HGS: variants seen among roughly 807,000 people sequenced by gnomAD.
The protein encoded by HGS is human growth factor-regulated tyrosine kinase substrate.
A neutral mutation model predicts 109.7 loss-of-function variants in HGS; 63 were observed. The observed-to-expected ratio is 0.57, with a 90% CI of 0.47 to 0.71. The LOEUF is 0.71. Ranked by LOEUF, HGS falls within the 30% of genes least tolerant of loss-of-function variation. The pLI is 0.00. For missense variants in HGS, 995 were observed against 1,068.3 expected (o/e 0.93, Z 0.96); for synonymous variants, 546 against 437.3 (o/e 1.25, Z -3.10).
Position 81,691,667 on chromosome 17 carries a change from C to G in HGS, c.662+96C>G. 1 of 1,478,102 alleles carries G rather than the reference C, an allele frequency of 6.8e-7. No individual in the cohort carries two copies. Among genetic ancestry groups the G allele is most frequent in the Non-Finnish European group, 9.3e-7 (1 of 1,071,152 alleles). 91.6% of individuals were successfully genotyped at this position (1,478,102 alleles called of 1,614,324 possible). A position where few individuals can be genotyped will look rare whatever the true frequency, so the allele number is the denominator to read the frequency against. On this transcript the variant is annotated intron_variant, in intron 8 of 21. Transcript: ENST00000329138. The surrounding 1 kb of genome is among the most constrained non-coding windows in gnomAD (Gnocchi z 5.3). ...GCCATGGTGCCTGAGGCCTGCAGAC[C>G]CCAGAGGACCCTCACAGCACAGCAG...
intron 18 of HGS, among the ~76,000 whole-genome samples, chr17:81,699,039 C>G (rs946334204): frequency 6.6e-6 from 1 of 151,654 alleles, no homozygotes; most frequent in African/African-American, 2.4e-5. Context: ...TGCCCTCCAG[C>G]CTGGGTGACA....
chr17:81,701,394 C>T (rs910878387), intron 21 of HGS, 114 bp from the exon 22 acceptor site: 1 of 1,169,796 alleles, frequency 8.5e-7, no homozygotes, highest in African/African-American at 1.5e-5. Flanking sequence ...GAGCTGCAGT[C>T]CGTGGACATG....
chr17:81,696,006 G>A lies in HGS; in HGVS notation c.1393+7G>A. 3 of 1,541,642 alleles carry A rather than the reference G, an allele frequency of 1.9e-6. No individual in the cohort carries two copies. Among genetic ancestry groups the A allele is most frequent in the Middle Eastern group, 1.8e-4 (1 of 5,486 alleles). On this transcript the variant is annotated splice_region_variant and intron_variant, in intron 15 of 21. Coordinates refer to ENST00000329138, the MANE Select transcript of HGS (RefSeq NM_004712.5). ...CAGCTGGACGAGCGCAGGCGTAGGT[G>A]CCCGCGCCACGGGGCCTCGGCTCAG...
chr17:81,691,182 T>TA lies in HGS; in HGVS notation c.538-264dup. ...ACTGCACTCACAAAAGCTCTTGTTTTATCAGCAGAATTGATGTGTATTTTT... is the reference window on the plus strand; with the variant it reads ...ACTGCACTCACAAAAGCTCTTGTTTTAATCAGCAGAATTGATGTGTATTTTT... On this transcript the variant is annotated intron_variant, in intron 7 of 21. Coordinates refer to ENST00000329138, the MANE Select transcript of HGS (RefSeq NM_004712.5). The surrounding 1 kb of genome is among the most constrained non-coding windows in gnomAD (Gnocchi z 5.3). 1 of 497,164 alleles carries TA rather than the reference T, an allele frequency of 2.0e-6. No homozygotes were observed. The highest frequency in any genetic ancestry group is 3.5e-5 in the East Asian group (1 of 28,282). 30.8% of individuals were successfully genotyped at this position (497,164 alleles called of 1,614,324 possible).
At chr17:81,687,168 T>C in intron 4 of HGS, 73 bp downstream of exon 4, 2 of 1,000,826 alleles carry the variant, frequency 2.0e-6, no homozygotes, top group Non-Finnish European at 1.6e-6. Flanking sequence ...TACTGGGCAC[T>C]GATGACAGAA....
Position 81,695,665 on chromosome 17 carries a change from A to G in HGS, c.1180-121A>G, listed in dbSNP as rs1433892044. The G allele has an allele frequency of 1.6e-5, 14 of 853,436 alleles. No individual in the cohort carries two copies. In the East Asian group the frequency reaches 2.8e-4, roughly 17 times the overall value. The allele number at this position is 853,436 out of a possible 1,614,324, so 52.9% of individuals were successfully genotyped here. On this transcript the variant is annotated intron_variant, in intron 14 of 21. Coordinates refer to ENST00000329138, the MANE Select transcript of HGS (RefSeq NM_004712.5). Reference sequence around the variant, plus strand: ...CTCAGCTGTAGAAGGGGCTGCTTGCATAAGGAGCAGATGGACTCTGCTCCA... The same window carrying G: ...CTCAGCTGTAGAAGGGGCTGCTTGCGTAAGGAGCAGATGGACTCTGCTCCA...
chr17:81,685,572 A>C, intron 1 of HGS, 33 bp from the exon 2 acceptor site: 3 of 1,544,086 alleles, frequency 1.9e-6, no homozygotes, highest in Non-Finnish European at 2.7e-6. Context: ...CCAGCAGGAT[A>C]ACCCCTCCCT....
intron 18 of HGS, chr17:81,698,484 C>T (rs1383386976): frequency 1.3e-5 from 2 of 152,236 alleles, no homozygotes; most frequent in East Asian, 1.9e-4. Context: ...AGTGGCTTCT[C>T]TGTTGCGTAG....
At chr17:81,685,018 C>T in intron 1 of HGS, 1 of 985,314 alleles carries the variant, frequency 1.0e-6, no homozygotes, top group Non-Finnish European at 1.2e-6. Flanking sequence ...CTGGAGCTGC[C>T]CCCCCAGAGG....
At chr17:81,696,274 G>GA in intron 15 of HGS, 83 bp from the exon 16 acceptor site, 1 of 1,427,054 alleles carries the variant, frequency 7.0e-7, no homozygotes, top group Non-Finnish European at 9.2e-7. Flanking sequence ...GGCACAGGGC[G>GA]GCCCATCTGC....
intron 11 of HGS, among the ~76,000 whole-genome samples, chr17:81,694,425 CA>C (rs934811079): frequency 1.3e-5 from 2 of 152,218 alleles, no homozygotes; most frequent in Non-Finnish European, 2.9e-5. Flanking sequence ...GCTGCAGGCC[CA>C]GGGGTGCAGA....
chr17:81,697,385 C>T (rs997416576), intron 18 of HGS: 1 of 157,272 alleles, frequency 6.4e-6, no homozygotes, highest in Non-Finnish European at 1.4e-5. Context: ...AGAGTGTTCC[C>T]CAGTCAGCTT....
rs777381774 is a variant in HGS, at chr17:81,689,704, G to A, written c.416-478G>A. Among the ~76,000 whole-genome samples, 23 of 152,188 alleles carry A rather than the reference G, an allele frequency of 1.5e-4. 1 individual carries two copies. The highest frequency in any genetic ancestry group is 2.5e-4 in the Non-Finnish European group (17 of 68,022). ...CCAGTGTGGAGAACACGGGAAGAACGCAGGGGGCGCTGCACGAGCTGCCTT... is the reference window on the plus strand; with the variant it reads ...CCAGTGTGGAGAACACGGGAAGAACACAGGGGGCGCTGCACGAGCTGCCTT... On this transcript the variant is annotated intron_variant, in intron 5 of 21. Transcript: ENST00000329138.
intron 19 of HGS, 37 bp downstream of exon 19, chr17:81,700,637 GC>G (rs2037222014): frequency 1.5e-6 from 2 of 1,321,710 alleles, no homozygotes; most frequent in African/African-American, 3.7e-5. Context: ...TCCAGGGCCA[GC>G]CCCAGCCCCA....
In HGS at chr17:81,700,762, G is replaced by A. The variant is rs2037224955; in HGVS notation, c.2084G>A (p.Gly695Asp). 1.9e-6 allele frequency: 3 copies of A among 1,612,672 alleles called. No individual in the cohort carries two copies. The highest frequency in any genetic ancestry group is 2.5e-6 in the Non-Finnish European group (3 of 1,179,886). Residue 695 changes from glycine (G) to aspartate (D), a missense_variant, in exon 20 of 22, where the codon GGC becomes GAC. By Grantham distance (94) the Gly-to-Asp change is moderately conservative. Around this residue, in one of 6 missense-constraint regions of HGS, gnomAD observed 326 missense variants for 309.7 expected, o/e 1.05. Coordinates refer to ENST00000329138, the MANE Select transcript of HGS (RefSeq NM_004712.5). ...ISQPPQSSTM[G>D]YMGSQSVSMG... ...CAGCCTCCGCAGTCCAGCACCATGGGCTACATGGGGAGCCAGTCAGTCTCC... is the reference window on the plus strand; with the variant it reads ...CAGCCTCCGCAGTCCAGCACCATGGACTACATGGGGAGCCAGTCAGTCTCC...
At chr17:81,695,277 A>G (rs1377275364) in intron 14 of HGS, 54 bp downstream of exon 14, 2 of 1,564,848 alleles carry the variant, frequency 1.3e-6, no homozygotes, top group Non-Finnish European at 1.8e-6. Flanking sequence ...CCTGGCCCAC[A>G]GCGCCAGGCA....
At position 81,693,664 on chromosome 17, in the gene HGS, A is replaced by G; in HGVS notation, c.752A>G (p.Lys251Arg). ...CCCGCTTGTCCTCAGCTGCCCCCCAAGAGGGACGAGACGGCCCTGCAGGAG... is the reference window on the plus strand; with the variant it reads ...CCCGCTTGTCCTCAGCTGCCCCCCAGGAGGGACGAGACGGCCCTGCAGGAG... ...PLSQQSQLPP[K>R]RDETALQEEE... Residue 251 changes from lysine to arginine, a missense_variant, in exon 10 of 22, where the codon AAG becomes AGG. Physicochemically the swap from Lys to Arg is conservative, Grantham distance 26. Around this residue, in one of 6 missense-constraint regions of HGS, gnomAD observed 300 missense variants for 235.4 expected, o/e 1.27. Transcript: ENST00000329138. 6.4e-7 allele frequency: 1 copy of G among 1,552,540 alleles called. No homozygotes were observed. Among genetic ancestry groups the G allele is most frequent in the Non-Finnish European group, 8.7e-7 (1 of 1,146,980 alleles).
chr17:81,690,686 G>A lies in HGS; in HGVS notation c.481G>A (p.Val161Met), dbSNP rs777456765. The A allele has an allele frequency of 3.7e-6, 6 of 1,613,022 alleles. No homozygotes were observed. The highest frequency in any genetic ancestry group is 5.1e-6 in the Non-Finnish European group (6 of 1,179,728). ...MFAAERAPDW[V>M]DAEECHRCRV... Reference sequence around the variant, plus strand: ...TGCCCCTCCTCAGGCCCCAGACTGGGTGGACGCTGAGGAATGCCACCGCTG... The same window carrying A: ...TGCCCCTCCTCAGGCCCCAGACTGGATGGACGCTGAGGAATGCCACCGCTG... Residue 161 changes from valine to methionine, a missense_variant, in exon 7 of 22, where the codon GTG (valine) becomes ATG (methionine). Transcript: ENST00000329138.
Position 81,690,187 on chromosome 17 carries a change from G to C in HGS, c.421G>C (p.Val141Leu). 1 of 1,613,788 alleles carries C rather than the reference G, an allele frequency of 6.2e-7. No individual in the cohort carries two copies. Among genetic ancestry groups the C allele is most frequent in the Non-Finnish European group, 8.5e-7 (1 of 1,179,782 alleles). Residue 141 changes from valine (V) to leucine (L), a missense_variant, in exon 6 of 22, where the codon GTC (valine) becomes CTC (leucine). Coordinates refer to ENST00000329138, the MANE Select transcript of HGS (RefSeq NM_004712.5). The stretch of plus-strand genomic sequence containing the variant: ...CTATGGCTTCATCTCTCCAGGGCAC[G>C]TCTTTCCAGAATTCAAAGAGAGCGA... ...TYQIMKVEGH[V>L]FPEFKESDAM... is the part of the protein sequence containing the mutation.
Sources: allele counts gnomAD v4.1 joint callset (sites outside exome capture counted in the v4.1 genomes callset), GRCh38; gene constraint gnomAD v4.1.1; regional missense constraint gnomAD v4.1.1; non-coding constraint Gnocchi (gnomAD v3.1); transcripts MANE v1.5; gene names NCBI Gene and HGNC (gene_info 2026-07-23, HGNC 2026-07-21).